PNPLA7: variants seen among roughly 807,000 people sequenced by gnomAD.
PNPLA7 encodes the protein patatin like domain 7, lysophospholipase, also known as patatin-like phospholipase domain-containing protein 7.
In PNPLA7, 153 loss-of-function variants were observed where a neutral mutation model predicts 161.7. The observed-to-expected ratio is 0.95, with a 90% CI of 0.83 to 1.08. The LOEUF (loss-of-function observed/expected upper bound fraction) is 1.08. Among genes scored for constraint, PNPLA7 ranks in the 50% least tolerant of loss-of-function variants. PNPLA7 has a pLI of 0.00. For synonymous variants in PNPLA7, 809 were observed against 782.1 expected (o/e 1.03, Z -0.57); for missense variants, 1,739 against 1,856.6 (o/e 0.94, Z 1.16).
chr9:137,499,311 T>C lies in PNPLA7; in HGVS notation c.1758-1066A>G, dbSNP rs1053995692. On this transcript the variant is annotated intron_variant, in intron 16 of 34. Transcript: ENST00000406427. This position sits in a 1 kb window ranked among gnomAD's most constrained non-coding sequence, Gnocchi z 5.5. ...AGACACACGGACACATGCAGACACA[T>C]GGAGACACACAGAGACACACGCAGA... Among the ~76,000 whole-genome samples the C allele has an allele frequency of 1.3e-5, 2 of 148,862 alleles. No homozygotes were observed. Among genetic ancestry groups the C allele is most frequent in the Admixed American group, 6.7e-5 (1 of 14,912 alleles).
At chr9:137,501,216 G>T (rs1425364592) in intron 15 of PNPLA7, among the ~76,000 whole-genome samples, 1 of 152,164 alleles carries the variant, frequency 6.6e-6, no homozygotes, top group South Asian at 2.1e-4. Context: ...TGTGCACGGG[G>T]GGTCCCATGC....
chr9:137,548,224 G>C (rs1836647857), intron 1 of PNPLA7, among the ~76,000 whole-genome samples: 1 of 152,168 alleles, frequency 6.6e-6, no homozygotes, highest in South Asian at 2.1e-4. Context: ...AGAGGACGCT[G>C]GTGGTTCCAA....
intron 8 of PNPLA7, among the ~76,000 whole-genome samples, chr9:137,526,242 G>T (rs1319596424): frequency 6.6e-6 from 1 of 152,150 alleles, no homozygotes; most frequent in Non-Finnish European, 1.5e-5. Context: ...GCTGGACCAT[G>T]CCAGACCTCA....
At position 137,522,870 on chromosome 9, in the gene PNPLA7, C is replaced by G. The variant is rs749671904; in HGVS notation, c.748-13G>C. 6.2e-7 allele frequency: 1 copy of G among 1,612,718 alleles called. No individual in the cohort carries two copies. The highest frequency in any genetic ancestry group is 1.7e-4 in the Middle Eastern group (1 of 5,950). ...GTGCAGCATGGCCCTGTAACAACAG[C>G]TCCATCAGTCCCCACTCTGTGGGCC... On this transcript the variant is annotated splice_polypyrimidine_tract_variant and intron_variant, in intron 8 of 34. Coordinates refer to ENST00000406427, the MANE Select transcript of PNPLA7 (RefSeq NM_001098537.3).
At chr9:137,469,597 T>A (rs1474204592) in intron 25 of PNPLA7, among the ~76,000 whole-genome samples, 1 of 152,236 alleles carries the variant, frequency 6.6e-6, no homozygotes, top group Non-Finnish European at 1.5e-5. Context: ...GAGTATATAT[T>A]TACTATCTGT....
At chr9:137,463,595 G>A in intron 28 of PNPLA7, 64 bp from the exon 29 acceptor site, 1 of 1,271,348 alleles carries the variant, frequency 7.9e-7, no homozygotes, top group Non-Finnish European at 1.1e-6. Flanking sequence ...CAGGGTTCAG[G>A]GCCTTGCCAC....
intron 17 of PNPLA7, among the ~76,000 whole-genome samples, chr9:137,497,604 T>G (rs1833133768): frequency 6.6e-6 from 1 of 152,264 alleles, no homozygotes; most frequent in Non-Finnish European, 1.5e-5. Context: ...CTCGGCTCAC[T>G]GCAACCTCCA....
Position 137,463,519 on chromosome 9 carries a change from C to T in PNPLA7, c.3239G>A (p.Trp1080Ter), listed in dbSNP as rs539884344. The T allele has an allele frequency of 3.0e-5, 47 of 1,584,638 alleles. No individual in the cohort carries two copies. The highest frequency in any genetic ancestry group is 5.4e-5 in the African/African-American group (4 of 74,600). The change falls in exon 29 of 35, where the codon TGG (tryptophan) becomes TAG (stop). Residue 1080 changes from tryptophan to a stop codon, truncating the protein, a stop_gained. Coordinates refer to ENST00000406427, the MANE Select transcript of PNPLA7 (RefSeq NM_001098537.3). LOFTEE classifies it high-confidence loss of function. The stretch of plus-strand genomic sequence containing the variant: ...CAGGGACATGCTGGCACGCACGTAC[C>T]ACCACAGGGAGCCTGGGGAGGGGGC... ...MRVHTDGSLWWYVRASMSLSG... is the reference protein window; with the variant it reads ...MRVHTDGSLW
chr9:137,478,634 G>A, intron 24 of PNPLA7: 1 of 175,372 alleles, frequency 5.7e-6, no homozygotes, highest in Non-Finnish European at 1.2e-5. Context: ...CTGCCCAAAG[G>A]AGGGAGCAGC....
intron 14 of PNPLA7, 142 bp from the exon 15 acceptor site, chr9:137,501,869 A>G: frequency 1.2e-6 from 1 of 813,780 alleles, no homozygotes. Flanking sequence ...GCTGTCCTCC[A>G]ACAAGGGCCT....
intron 14 of PNPLA7, among the ~76,000 whole-genome samples, chr9:137,504,918 G>A (rs1299234417): frequency 4.6e-5 from 7 of 152,160 alleles, no homozygotes; most frequent in Admixed American, 2.0e-4. Context: ...GCCGGGCGCC[G>A]TGGCTCACGC....
chr9:137,510,449 T>C (rs974223819), intron 12 of PNPLA7, among the ~76,000 whole-genome samples: 2 of 152,188 alleles, frequency 1.3e-5, no homozygotes, highest in Non-Finnish European at 2.9e-5. Flanking sequence ...GTAAGCTGTC[T>C]TTCTGTCTGT....
Position 137,543,967 on chromosome 9 carries a change from G to C in PNPLA7, c.274-152C>G. On this transcript the variant is annotated intron_variant, in intron 4 of 34. Coordinates refer to ENST00000406427, the MANE Select transcript of PNPLA7 (RefSeq NM_001098537.3). This position sits in a 1 kb window ranked among gnomAD's most constrained non-coding sequence, Gnocchi z 6.9. The stretch of plus-strand genomic sequence containing the variant: ...TCTGGCTGTGCCATTTTCCCACCCT[G>C]CCTGGCCTGTGAGGGAATGTTGGCA... The C allele has an allele frequency of 1.5e-6, 1 of 650,076 alleles. No homozygotes were observed. Among genetic ancestry groups the C allele is most frequent in the South Asian group, 1.8e-5 (1 of 54,558 alleles). 40.3% of individuals were successfully genotyped at this position (650,076 alleles called of 1,614,324 possible).
At chr9:137,548,035 C>A (rs985959125) in intron 1 of PNPLA7, among the ~76,000 whole-genome samples, 1 of 152,210 alleles carries the variant, frequency 6.6e-6, no homozygotes, top group Non-Finnish European at 1.5e-5. Context: ...GTGCTCAAAA[C>A]CCCTATGAGC....
chr9:137,462,830 TC>T lies in PNPLA7; in HGVS notation c.3346del (p.Asp1116MetfsTer11). ...TTTTGCCCCCATGGACCGGGCCACA[TC>T]CGCTAGGGAGAAGCCAGCCCTGGTT... ...DGGYINNLPA[D>X]VARSMGAKVV... is the part of the protein sequence containing the mutation. On this transcript the variant is annotated frameshift_variant and splice_region_variant, in exon 30 of 35. Transcript: ENST00000406427. LOFTEE classifies it high-confidence loss of function. The T allele has an allele frequency of 6.2e-7, 1 of 1,613,568 alleles. No homozygotes were observed. The highest frequency in any genetic ancestry group is 8.5e-7 in the Non-Finnish European group (1 of 1,179,854).
intron 25 of PNPLA7, among the ~76,000 whole-genome samples, chr9:137,474,950 G>T (rs1831873519): frequency 6.9e-6 from 1 of 145,984 alleles, no homozygotes; most frequent in Non-Finnish European, 1.5e-5. Context: ...GAACCTGGGA[G>T]GCGGAGCTTG....
Position 137,547,157 on chromosome 9 carries a change from C to T in PNPLA7, c.193+152G>A, listed in dbSNP as rs1432736975. 1 of 839,054 alleles carries T rather than the reference C, an allele frequency of 1.2e-6. No homozygotes were observed. Among genetic ancestry groups the T allele is most frequent in the East Asian group, 2.4e-5 (1 of 40,834 alleles). 52.0% of individuals were successfully genotyped at this position (839,054 alleles called of 1,614,324 possible). On this transcript the variant is annotated intron_variant, in intron 3 of 34. Transcript: ENST00000406427. The surrounding 1 kb of genome is among the most constrained non-coding windows in gnomAD (Gnocchi z 4.6). ...TCTGAACAGACTTGGCTTCCTGGAA[C>T]CGACGGGCTCAGCCTGAGCCCAGAC...
At chr9:137,465,470 T>C (rs1405869344) in intron 26 of PNPLA7, among the ~76,000 whole-genome samples, 2 of 152,216 alleles carry the variant, frequency 1.3e-5, no homozygotes, top group African/African-American at 4.8e-5. Flanking sequence ...CAGGTGACTC[T>C]GGGACAGGAC....
Position 137,460,701 on chromosome 9 carries a change from A to AG in PNPLA7, c.3877dup (p.Leu1293ProfsTer43). 1 of 1,612,846 alleles carries AG rather than the reference A, an allele frequency of 6.2e-7. No homozygotes were observed. The highest frequency in any genetic ancestry group is 8.5e-7 in the Non-Finnish European group (1 of 1,179,926). ...GTATGCATCCCTGGGGACGTCCAGC[A>AG]GCTCCTCCTCGTACTCCGTCTGGTA... On this transcript the variant is annotated frameshift_variant, in exon 34 of 35. Coordinates refer to ENST00000406427, the MANE Select transcript of PNPLA7 (RefSeq NM_001098537.3). LOFTEE classifies it high-confidence loss of function.
Sources: gnomAD v4.1 joint callset for allele counts (sites outside exome capture counted in the v4.1 genomes callset) on GRCh38, gnomAD v4.1.1 for gene constraint, Gnocchi (gnomAD v3.1) non-coding constraint, MANE v1.5 for transcripts, NCBI Gene and HGNC (gene_info 2026-07-23, HGNC 2026-07-21) for gene names.